The following SERPINA12 variants were observed in gnomAD, a reference collection of about 807,000 sequenced individuals.
SERPINA12 encodes serpin family A member 12.
In SERPINA12, 21 loss-of-function variants were observed where a neutral mutation model predicts 25.9. The ratio of observed to expected loss-of-function variants is 0.81; its 90% CI spans 0.58 to 1.17. SERPINA12 has a LOEUF of 1.17. Ranked by LOEUF, SERPINA12 falls within the 50% of genes most tolerant of loss-of-function variation. SERPINA12 has a pLI of 0.00. For synonymous variants in SERPINA12, 220 were observed against 196.0 expected, an observed-to-expected ratio of 1.12 and a Z score of -1.02; for missense variants, 562 against 508.3, an observed-to-expected ratio of 1.11 and a Z score of -1.02.
intron 1 of SERPINA12, 112 bp from the exon 2 acceptor site, chr14:94,498,542 T>TAAACTGC: frequency 1.2e-6 from 1 of 844,282 alleles, no homozygotes; most frequent in Non-Finnish European, 1.8e-6. Flanking sequence ...ACATAGCAGT[T>TAAACTGC]TATGAGTGCT....
At chr14:94,494,715 AC>A (rs1221748392) in intron 3 of SERPINA12, among the ~76,000 whole-genome samples, 1 of 152,242 alleles carries the variant, frequency 6.6e-6, no homozygotes, top group East Asian at 1.9e-4. Flanking sequence ...GCCTCTTTAG[AC>A]AATGGGAAGG....
At chr14:94,507,943 G>A (rs1002536307) in intron 1 of SERPINA12, among the ~76,000 whole-genome samples, 1 of 152,204 alleles carries the variant, frequency 6.6e-6, no homozygotes, top group Non-Finnish European at 1.5e-5. Flanking sequence ...CAACCCAGAT[G>A]TCCATTTATA....
upstream of SERPINA12, among the ~76,000 whole-genome samples, chr14:94,513,791 A>T (rs568898233): frequency 4.6e-5 from 7 of 152,290 alleles, no homozygotes; most frequent in East Asian, 1.4e-3. Flanking sequence ...AACACCATAC[A>T]ACTGCTATTG....
At chr14:94,513,505 C>T (rs369601313), upstream of SERPINA12, among the ~76,000 whole-genome samples, 5 of 152,312 alleles carry the variant, frequency 3.3e-5, no homozygotes, top group East Asian at 1.9e-4. Context: ...TGCAACCCTC[C>T]TCAAGTTACT....
intron 1 of SERPINA12, among the ~76,000 whole-genome samples, chr14:94,501,707 G>A (rs940530561): frequency 1.7e-4 from 12 of 71,118 alleles, no homozygotes; most frequent in African/African-American, 6.6e-4. Flanking sequence ...CCACACCCTG[G>A]CCTGGTGGGG....
chr14:94,500,623 C>T (rs1900676899), intron 1 of SERPINA12, among the ~76,000 whole-genome samples: 1 of 152,136 alleles, frequency 6.6e-6, no homozygotes, highest in South Asian at 2.1e-4. Flanking sequence ...GCTGGCCTGT[C>T]TCTTTCCTGG....
At position 94,497,799 on chromosome 14, in the gene SERPINA12, G is replaced by A. The variant is rs1384779597; in HGVS notation, c.599C>T (p.Thr200Ile). The change falls in exon 2 of 5, where the codon ACT becomes ATT. Residue 200 changes from threonine to isoleucine, a missense_variant. Coordinates refer to ENST00000677451, the MANE Select transcript of SERPINA12 (RefSeq NM_001382267.1). ...NNLIENIDPG[T>I]VMLLANYIFF... ...AATATAATTTGCAAGAAGCATCACA[G>A]TGCCGGGGTCTATATTCTCGATCAG... 3.7e-6 allele frequency: 6 copies of A among 1,612,494 alleles called. No individual in the cohort carries two copies. In the Admixed American group the frequency reaches 5.0e-5, roughly 13 times the overall value.
chr14:94,508,506 A>G (rs1324736318), intron 1 of SERPINA12, among the ~76,000 whole-genome samples: 2 of 152,254 alleles, frequency 1.3e-5, no homozygotes, highest in East Asian at 3.8e-4. Context: ...CTATTAGGAA[A>G]CAAACAAATC....
upstream of SERPINA12, among the ~76,000 whole-genome samples, chr14:94,510,864 G>A (rs1187641194): frequency 6.6e-6 from 1 of 152,148 alleles, no homozygotes; most frequent in African/African-American, 2.4e-5. Context: ...AATATTGCAT[G>A]TTCTTGCCCA....
intron 3 of SERPINA12, among the ~76,000 whole-genome samples, chr14:94,493,085 C>A (rs1328553522): frequency 1.3e-5 from 2 of 152,180 alleles, no homozygotes; most frequent in African/African-American, 4.8e-5. Flanking sequence ...GCCCTCCAGT[C>A]TGGAGAGGAC....
intron 1 of SERPINA12, among the ~76,000 whole-genome samples, chr14:94,516,943 C>T (rs189610689): frequency 2.5e-5 from 3 of 121,044 alleles, no homozygotes; most frequent in East Asian, 4.1e-4. Flanking sequence ...CATGTGTCAC[C>T]GCAGCTATTG....
rs1900550600 is a variant in SERPINA12 at position 94,498,263 on chromosome 14, G to T, written c.135C>A (p.Ala45=). Residue 45 remains alanine (A), a synonymous_variant, in exon 2 of 5, where the codon GCC becomes GCA. Coordinates refer to ENST00000677451, the MANE Select transcript of SERPINA12 (RefSeq NM_001382267.1). ...CCATGTTCTGCCTTGCAAGCTCCTT[G>T]GCTGCCATCCTTTGCTTCCATCCTT... ...EVQGWKQRMA[A]KELARQNMDL... 1.2e-6 allele frequency: 2 copies of T among 1,614,064 alleles called. No homozygotes were observed. The highest frequency in any genetic ancestry group is 2.7e-5 in the African/African-American group (2 of 74,912).
upstream of SERPINA12, among the ~76,000 whole-genome samples, chr14:94,512,154 A>G (rs1249925608): frequency 6.6e-6 from 1 of 152,128 alleles, no homozygotes; most frequent in Non-Finnish European, 1.5e-5. Context: ...CACCACTTGC[A>G]CCCACGAGAG....
At chr14:94,501,845 C>T (rs527833395) in intron 1 of SERPINA12, among the ~76,000 whole-genome samples, 1 of 152,170 alleles carries the variant, frequency 6.6e-6, no homozygotes, top group African/African-American at 2.4e-5. Flanking sequence ...CCATTCCGGG[C>T]CTTTCCATCT....
chr14:94,507,655 C>T (rs927642743), intron 1 of SERPINA12, among the ~76,000 whole-genome samples: 2 of 152,204 alleles, frequency 1.3e-5, no homozygotes, highest in African/African-American at 4.8e-5. Flanking sequence ...GAACTCACTA[C>T]ACACCCACTA....
At chr14:94,490,972 C>T (rs944165410) in intron 3 of SERPINA12, among the ~76,000 whole-genome samples, 1 of 152,220 alleles carries the variant, frequency 6.6e-6, no homozygotes. Context: ...GTCCCCTTCT[C>T]TTTTCCACCT....
At chr14:94,503,228 GAAGT>G (rs1900803996) in intron 1 of SERPINA12, 2 of 984,530 alleles carry the variant, frequency 2.0e-6, no homozygotes, top group African/African-American at 1.7e-5. Flanking sequence ...TCCCCTGTTA[GAAGT>G]AAGAGAAGCC....
chr14:94,511,322 T>G, upstream of SERPINA12: 37 of 768,276 alleles, frequency 4.8e-5, no homozygotes, highest in South Asian at 1.2e-4. Context: ...ACTATACAGA[T>G]GAGAAAGCTG....
chr14:94,495,717 G>C (rs534184610), intron 3 of SERPINA12, among the ~76,000 whole-genome samples: 185 of 152,236 alleles, frequency 1.2e-3, no homozygotes, highest in African/African-American at 4.3e-3. Context: ...CTGGCTACTA[G>C]AGGCCACTAG....
Sources: gnomAD v4.1 joint callset for allele counts (sites outside exome capture counted in the v4.1 genomes callset) on GRCh38, gnomAD v4.1.1 for gene constraint, MANE v1.5 for transcripts, NCBI Gene and HGNC (gene_info 2026-07-23, HGNC 2026-07-21) for gene names.